LGR4: variants seen among roughly 807,000 people sequenced by gnomAD.
LGR4 encodes leucine-rich repeat-containing G protein-coupled receptor 4.
In LGR4, 44 loss-of-function variants were observed where a neutral mutation model predicts 84.8. That is an observed-to-expected ratio of 0.52 (90% CI 0.41 to 0.67). The LOEUF (loss-of-function observed/expected upper bound fraction) is 0.67. LGR4 is among the 30% of genes least tolerant of loss of function. The probability of loss-of-function intolerance (pLI) is 0.00; values close to 1 mark genes in which losing one functional copy is unlikely to be tolerated. For synonymous variants in LGR4, 429 were observed against 434.3 expected, an observed-to-expected ratio of 0.99 and a Z score of 0.15; for missense variants, 1,032 against 1,131.4, an observed-to-expected ratio of 0.91 and a Z score of 1.26.
At chr11:27,440,927 T>C (rs2133432075) in intron 1 of LGR4, among the ~76,000 whole-genome samples, 1 of 152,286 alleles carries the variant, frequency 6.6e-6, no homozygotes, top group Middle Eastern at 3.4e-3. Flanking sequence ...GTGATTCGAA[T>C]ACACATTATA....
chr11:27,404,744 T>C (rs1339455084), intron 2 of LGR4, among the ~76,000 whole-genome samples: 1 of 152,046 alleles, frequency 6.6e-6, no homozygotes, highest in Non-Finnish European at 1.5e-5. Context: ...GGAACACTTT[T>C]AGATATTTAT....
intron 1 of LGR4, among the ~76,000 whole-genome samples, chr11:27,452,046 G>A (rs1386046078): frequency 2.0e-5 from 3 of 152,138 alleles, no homozygotes; most frequent in African/African-American, 7.2e-5. Context: ...TCCAACAATT[G>A]CTCAATAGCA....
chr11:27,390,474 G>A (rs919998332), intron 4 of LGR4, among the ~76,000 whole-genome samples: 2 of 152,044 alleles, frequency 1.3e-5, no homozygotes, highest in African/African-American at 4.8e-5. Context: ...ATAGCCTAGG[G>A]TTCTGCATTT....
At position 27,443,403 on chromosome 11, in the gene LGR4, G is replaced by A. The variant is rs568526233; in HGVS notation, c.185+28715C>T. On this transcript the variant is annotated intron_variant, in intron 1 of 17. Transcript: ENST00000379214. Reference sequence around the variant, plus strand: ...GGTAGGTGGTCTCTGAGACTCATGCGTCCCACCTAAGTAGCCTGTATATCA... The same window carrying A: ...GGTAGGTGGTCTCTGAGACTCATGCATCCCACCTAAGTAGCCTGTATATCA... Among the ~76,000 whole-genome samples, 57 of 152,260 alleles carry A rather than the reference G, an allele frequency of 3.7e-4. 1 individual carries two copies. The South Asian group carries it at 6.4e-3, about 17-fold the overall frequency.
At chr11:27,385,510 G>C in intron 4 of LGR4, 42 bp from the exon 5 acceptor site, 2 of 1,306,074 alleles carry the variant, frequency 1.5e-6, no homozygotes, top group Non-Finnish European at 2.2e-6. Flanking sequence ...ACAAATTCTA[G>C]TGAAATGAGT....
rs1388467483 is a variant in LGR4, at chr11:27,368,400, T to A, written c.2323A>T (p.Ile775Phe). 1.9e-6 allele frequency: 3 copies of A among 1,614,134 alleles called. No individual in the cohort carries two copies. The highest frequency in any genetic ancestry group is 8.5e-7 in the Non-Finnish European group (1 of 1,180,020). ...FFSFAPLITA[I>F]SISPEIMKSV... ...TTCATTATTTCGGGGCTGATAGAGA[T>A]TGCAGTGATCAATGGTGCAAATGAA... is the stretch of plus-strand genomic sequence containing the variant. Residue 775 changes from isoleucine to phenylalanine, a missense_variant, in exon 18 of 18, where the codon ATC becomes TTC. Ile to Phe is a conservative substitution (Grantham distance 21). Coordinates refer to ENST00000379214, the MANE Select transcript of LGR4 (RefSeq NM_018490.5).
At chr11:27,371,831 G>A in intron 16 of LGR4, 133 bp from the exon 17 acceptor site, 3 of 642,070 alleles carry the variant, frequency 4.7e-6, no homozygotes, top group Non-Finnish European at 8.0e-6. Context: ...TAAAGATGCT[G>A]GTAGCATAGT....
chr11:27,370,570 G>T (rs1350864008), intron 17 of LGR4, among the ~76,000 whole-genome samples: 1 of 152,236 alleles, frequency 6.6e-6, no homozygotes, highest in Non-Finnish European at 1.5e-5. Context: ...CAGTGTCTGT[G>T]TGTTACTACA....
chr11:27,400,319 GC>G (rs1345226834), intron 2 of LGR4, among the ~76,000 whole-genome samples: 7 of 151,900 alleles, frequency 4.6e-5, no homozygotes, highest in Non-Finnish European at 1.0e-4. Context: ...CAAGCTTATC[GC>G]CCCCTACTCC....
intron 1 of LGR4, among the ~76,000 whole-genome samples, chr11:27,450,394 T>C (rs2133443117): frequency 6.6e-6 from 1 of 152,332 alleles, no homozygotes; most frequent in South Asian, 2.1e-4. Flanking sequence ...TTTCTCCTGG[T>C]AGAAAATAGA....
At chr11:27,432,278 A>T (rs1342794438) in intron 1 of LGR4, among the ~76,000 whole-genome samples, 1 of 152,188 alleles carries the variant, frequency 6.6e-6, no homozygotes. Context: ...CCCAGCCACC[A>T]TCTTTGACCT....
intron 1 of LGR4, among the ~76,000 whole-genome samples, chr11:27,429,393 C>G: frequency 6.6e-6 from 1 of 151,372 alleles, no homozygotes; most frequent in East Asian, 2.0e-4. Context: ...GCTGAGGCAG[C>G]AGAATCACGA....
In LGR4 at chr11:27,368,971, G is replaced by C; in HGVS notation, c.1752C>G (p.Asn584Lys). ...KLFIGLISVS[N>K]LFMGIYTGIL... is the part of the protein sequence containing the mutation. ...TGCCAGTATAGATTCCCATGAATAAGTTAGACACAGAAATCAAGCCTATAA... is the reference window on the plus strand; with the variant it reads ...TGCCAGTATAGATTCCCATGAATAACTTAGACACAGAAATCAAGCCTATAA... Residue 584 changes from asparagine (N) to lysine (K), a missense_variant, in exon 18 of 18, where the codon AAC becomes AAG. By Grantham distance (94) the Asn-to-Lys change is moderately conservative. Transcript: ENST00000379214. 1 of 1,614,110 alleles carries C rather than the reference G, an allele frequency of 6.2e-7. No individual in the cohort carries two copies. The highest frequency in any genetic ancestry group is 8.5e-7 in the Non-Finnish European group (1 of 1,179,982).
At chr11:27,378,323 C>T (rs988233319) in intron 11 of LGR4, among the ~76,000 whole-genome samples, 6 of 152,122 alleles carry the variant, frequency 3.9e-5, no homozygotes, top group Admixed American at 2.6e-4. Context: ...AGCTTTAGTT[C>T]ATTCCAGACT....
intron 1 of LGR4, among the ~76,000 whole-genome samples, chr11:27,465,469 C>T (rs2133459735): frequency 6.6e-6 from 1 of 152,268 alleles, no homozygotes; most frequent in East Asian, 1.9e-4. Context: ...ATTGCCTGGA[C>T]ACGACACAGA....
intron 1 of LGR4, among the ~76,000 whole-genome samples, chr11:27,461,358 T>A (rs79555978): frequency 6.7e-6 from 1 of 149,364 alleles, no homozygotes; most frequent in African/African-American, 2.5e-5. Flanking sequence ...AAAAAAAAAA[T>A]AACACATAGG....
Position 27,472,784 on chromosome 11 carries a change from A to G in LGR4, c.-482T>C, listed in dbSNP as rs1484711226. ...CCGTCCTTTTCCCTTCTAGGGTTGCACGCTCTGGTTCCCAAACCCCCGGCC... is the reference window on the plus strand; with the variant it reads ...CCGTCCTTTTCCCTTCTAGGGTTGCGCGCTCTGGTTCCCAAACCCCCGGCC... On this transcript the variant is annotated 5_prime_UTR_variant, in exon 1 of 18. Coordinates refer to ENST00000379214, the MANE Select transcript of LGR4 (RefSeq NM_018490.5). The G allele has an allele frequency of 1.2e-5, 4 of 325,506 alleles. No homozygotes were observed. Among genetic ancestry groups the G allele is most frequent in the Non-Finnish European group, 2.2e-5 (4 of 179,786 alleles). The allele number at this position is 325,506 out of a possible 1,614,324, so 20.2% of individuals were successfully genotyped here.
At chr11:27,410,392 AC>A (rs1346194252) in intron 2 of LGR4, among the ~76,000 whole-genome samples, 1 of 152,118 alleles carries the variant, frequency 6.6e-6, no homozygotes, top group Non-Finnish European at 1.5e-5. Context: ...ATTTTGCCAA[AC>A]CCAGTCACAT....
intron 1 of LGR4, among the ~76,000 whole-genome samples, chr11:27,425,801 G>A (rs1283875208): frequency 2.0e-5 from 3 of 152,104 alleles, no homozygotes; most frequent in South Asian, 2.1e-4. Flanking sequence ...TTGAATAAAA[G>A]GCTAATTCCT....
Sources: allele counts gnomAD v4.1 joint callset (sites outside exome capture counted in the v4.1 genomes callset), GRCh38; gene constraint gnomAD v4.1.1; transcripts MANE v1.5; gene names NCBI Gene and HGNC (gene_info 2026-07-23, HGNC 2026-07-21).